The following MET variants were observed in gnomAD, a reference collection of about 807,000 sequenced individuals.
MET encodes the protein MET proto-oncogene, receptor tyrosine kinase.
Under a neutral mutation model 133.1 loss-of-function variants are expected in MET, and 48 were observed. The observed-to-expected ratio is 0.36, with a 90% CI of 0.29 to 0.46. The LOEUF is 0.46. MET is among the 20% of genes least tolerant of loss of function. MET has a pLI of 1.00. For missense variants in MET, 1,442 were observed against 1,695.9 expected (o/e 0.85, Z 2.63); for synonymous variants, 628 against 616.5 (o/e 1.02, Z -0.28).
intron 19 of MET, among the ~76,000 whole-genome samples, chr7:116,791,663 A>G (rs1227569042): frequency 1.3e-5 from 2 of 151,858 alleles, no homozygotes; most frequent in African/African-American, 4.8e-5. Context: ...CACTTTTGCC[A>G]ATGCATTTTT....
chr7:116,738,402 T>G (rs1793315175), intron 3 of MET, among the ~76,000 whole-genome samples: 1 of 152,058 alleles, frequency 6.6e-6, no homozygotes, highest in African/African-American at 2.4e-5. Context: ...CAAAGGGAGG[T>G]GGGACTGGTA....
At chr7:116,758,930 A>T (rs1207585132) in intron 9 of MET, among the ~76,000 whole-genome samples, 1 of 152,194 alleles carries the variant, frequency 6.6e-6, no homozygotes, top group Non-Finnish European at 1.5e-5. Context: ...TTCTATACTA[A>T]CCTTAGTGCC....
chr7:116,726,939 A>G (rs1219578408), intron 2 of MET, among the ~76,000 whole-genome samples: 1 of 152,192 alleles, frequency 6.6e-6, no homozygotes, highest in Non-Finnish European at 1.5e-5. Context: ...CAGAAGCACC[A>G]CTGTGGACCA....
intron 2 of MET, among the ~76,000 whole-genome samples, chr7:116,728,141 A>C (rs1239195789): frequency 4.6e-5 from 7 of 152,234 alleles, no homozygotes; most frequent in African/African-American, 1.4e-4. Flanking sequence ...GCTATGGAGA[A>C]AATGAAAAAG....
chr7:116,745,300 ATATTC>A (rs1461639647), intron 5 of MET, among the ~76,000 whole-genome samples: 1 of 152,212 alleles, frequency 6.6e-6, no homozygotes, highest in Non-Finnish European at 1.5e-5. Flanking sequence ...AAATGGAAGA[ATATTC>A]CATGCTCATG....
At chr7:116,769,813 C>A in intron 12 of MET, 22 bp downstream of exon 12, 1 of 1,613,378 alleles carries the variant, frequency 6.2e-7, no homozygotes, top group South Asian at 1.1e-5. Flanking sequence ...GCATTCCTCT[C>A]ATGATGTAAA....
rs370292680 is a variant in MET at position 116,676,960 on chromosome 7, GGAA to G, written c.-15+4392_-15+4394del. ...CCACATCTCTTGGTTTATGAGACAT[GGAA>G]GAAGAAGACCCAGAGTGTTGTTTTG... On this transcript the variant is annotated intron_variant, in intron 1 of 20. Transcript: ENST00000397752. Among the ~76,000 whole-genome samples the G allele has an allele frequency of 5.5e-3, 841 of 151,954 alleles. 7 individuals carry two copies. Among genetic ancestry groups the G allele is most frequent in the African/African-American group, 0.019 (768 of 41,448 alleles).
chr7:116,736,655 T>G (rs1392538796), intron 3 of MET, among the ~76,000 whole-genome samples: 1 of 152,172 alleles, frequency 6.6e-6, no homozygotes, highest in Non-Finnish European at 1.5e-5. Context: ...TACAAGGGGC[T>G]ATGTGAGATC....
chr7:116,734,224 A>G (rs1360583011), intron 3 of MET, among the ~76,000 whole-genome samples: 2 of 152,016 alleles, frequency 1.3e-5, no homozygotes, highest in Non-Finnish European at 2.9e-5. Context: ...TAGAATGGAC[A>G]TTTTTTTTCC....
At chr7:116,752,611 A>G (rs1793967456) in intron 5 of MET, among the ~76,000 whole-genome samples, 2 of 152,238 alleles carry the variant, frequency 1.3e-5, no homozygotes, top group Non-Finnish European at 2.9e-5. Flanking sequence ...TGCCCAGCCC[A>G]GAGAGAAAAG....
At chr7:116,747,631 C>A (rs1266481010) in intron 5 of MET, among the ~76,000 whole-genome samples, 2 of 152,102 alleles carry the variant, frequency 1.3e-5, no homozygotes, top group African/African-American at 4.8e-5. Flanking sequence ...TAAAGCAAGT[C>A]CTTAGAGACC....
chr7:116,781,263 C>G (rs1795146309), intron 17 of MET, among the ~76,000 whole-genome samples: 1 of 152,186 alleles, frequency 6.6e-6, no homozygotes, highest in African/African-American at 2.4e-5. Context: ...CCTCTAGAGC[C>G]CAGGGCTTCC....
intron 1 of MET, among the ~76,000 whole-genome samples, chr7:116,681,606 A>T (rs1562873650): frequency 2.0e-5 from 3 of 152,216 alleles, no homozygotes; most frequent in Admixed American, 1.3e-4. Context: ...TGATATAAAG[A>T]TTCAAGGAAA....
Position 116,757,604 on chromosome 7 carries a change from A to G in MET, c.1966-34A>G, listed in dbSNP as rs1429777376. 1.9e-6 allele frequency: 3 copies of G among 1,613,614 alleles called. No individual in the cohort carries two copies. The East Asian group carries it at 6.7e-5, about 36-fold the overall frequency. On this transcript the variant is annotated intron_variant, in intron 7 of 20. Transcript: ENST00000397752. Reference sequence around the variant, plus strand: ...AATCTATTTAAATTATAAGATGAACAAGTTACTTTGTTTTGTTTTTATCTC... The same window carrying G: ...AATCTATTTAAATTATAAGATGAACGAGTTACTTTGTTTTGTTTTTATCTC...
At chr7:116,787,377 A>G (rs1200926886) in intron 19 of MET, among the ~76,000 whole-genome samples, 2 of 152,204 alleles carry the variant, frequency 1.3e-5, no homozygotes, top group African/African-American at 4.8e-5. Flanking sequence ...GTGCTGCTAT[A>G]ACACAATACC....
chr7:116,779,404 C>T (rs1017176587), intron 17 of MET, among the ~76,000 whole-genome samples: 1 of 152,228 alleles, frequency 6.6e-6, no homozygotes, highest in Non-Finnish European at 1.5e-5. Context: ...TGTGCTCCCT[C>T]AGCCTGGAAC....
intron 3 of MET, among the ~76,000 whole-genome samples, chr7:116,734,937 A>AT (rs577979091): frequency 2.4e-4 from 36 of 152,150 alleles, no homozygotes; most frequent in African/African-American, 8.2e-4. Context: ...TGCTTCCTTG[A>AT]TTTTTTTTAA....
intron 1 of MET, among the ~76,000 whole-genome samples, chr7:116,694,843 C>T (rs1796906384): frequency 6.6e-6 from 1 of 152,116 alleles, no homozygotes; most frequent in Non-Finnish European, 1.5e-5. Flanking sequence ...TGCGCCACCA[C>T]ACCCAGCTAA....
chr7:116,758,340 C>A, intron 8 of MET, 119 bp from the exon 9 acceptor site: 1 of 1,016,894 alleles, frequency 9.8e-7, no homozygotes, highest in Non-Finnish European at 1.5e-6. Flanking sequence ...AAAAGGCTTC[C>A]ACTCAGGAAA....
Sources: gnomAD v4.1 joint callset for allele counts (sites outside exome capture counted in the v4.1 genomes callset) on GRCh38, gnomAD v4.1.1 for gene constraint, MANE v1.5 for transcripts, NCBI Gene and HGNC (gene_info 2026-07-23, HGNC 2026-07-21) for gene names.